The following CDC42SE2 variants were observed in gnomAD, a reference collection of about 807,000 sequenced individuals.
CDC42SE2 encodes the protein CDC42 small effector protein 2.
A neutral mutation model predicts 11.5 loss-of-function variants in CDC42SE2; 3 were observed. The observed-to-expected ratio is 0.26, with a 90% CI of 0.12 to 0.67. CDC42SE2 has a LOEUF of 0.67. CDC42SE2 is among the 30% of genes least tolerant of loss of function. The pLI, the probability that CDC42SE2 is intolerant of heterozygous loss-of-function variation, is 0.80. For synonymous variants in CDC42SE2, 33 were observed against 34.8 expected, an observed-to-expected ratio of 0.95 and a Z score of 0.18; for missense variants, 82 against 106.8, an observed-to-expected ratio of 0.77 and a Z score of 1.02.
intron 1 of CDC42SE2, among the ~76,000 whole-genome samples, chr5:131,276,386 C>T (rs1480721836): frequency 1.3e-5 from 2 of 150,566 alleles, no homozygotes; most frequent in African/African-American, 4.9e-5. Flanking sequence ...AAGGTTGAGG[C>T]TGCAGTGAGC....
chr5:131,245,310 G>A (rs1263718028), upstream of CDC42SE2, among the ~76,000 whole-genome samples: 7 of 152,138 alleles, frequency 4.6e-5, no homozygotes, highest in African/African-American at 1.7e-4. Context: ...AATTGATACT[G>A]TTCTGGGTAC....
chr5:131,358,459 A>G (rs958317591), intron 2 of CDC42SE2, among the ~76,000 whole-genome samples: 33 of 152,260 alleles, frequency 2.2e-4, no homozygotes, highest in African/African-American at 7.9e-4. Flanking sequence ...ATTATTGACT[A>G]AGGACATCCT....
intron 3 of CDC42SE2, among the ~76,000 whole-genome samples, chr5:131,369,245 A>G (rs961195276): frequency 1.3e-5 from 2 of 152,146 alleles, no homozygotes; most frequent in African/African-American, 4.8e-5. Flanking sequence ...ATTGATTCAT[A>G]TTGATGCAGA....
intron 2 of CDC42SE2, among the ~76,000 whole-genome samples, chr5:131,349,768 T>TAGAA (rs201800052): frequency 0.039 from 5,971 of 152,234 alleles, 363 homozygotes; most frequent in African/African-American, 0.13. Flanking sequence ...TAGTGTTAAA[T>TAGAA]AGAGCAGGAG....
upstream of CDC42SE2, among the ~76,000 whole-genome samples, chr5:131,241,125 T>C (rs575012172): frequency 2.8e-4 from 43 of 152,102 alleles, no homozygotes; most frequent in African/African-American, 8.2e-4. Flanking sequence ...ACTACAGGCG[T>C]CCACCACCAC....
intron 1 of CDC42SE2, among the ~76,000 whole-genome samples, chr5:131,275,851 G>GTT (rs1757089497): frequency 6.6e-6 from 1 of 150,472 alleles, no homozygotes; most frequent in Admixed American, 6.6e-5. Flanking sequence ...TGTCCTCTTA[G>GTT]TACTGTACTG....
At chr5:131,244,906 C>T (rs181406031), upstream of CDC42SE2, among the ~76,000 whole-genome samples, 18 of 151,954 alleles carry the variant, frequency 1.2e-4, no homozygotes, top group South Asian at 2.1e-4. Flanking sequence ...AGAATTACTG[C>T]GGGAAAATTA....
intron 1 of CDC42SE2, among the ~76,000 whole-genome samples, chr5:131,248,950 A>G (rs918467048): frequency 6.0e-5 from 9 of 151,194 alleles, no homozygotes; most frequent in African/African-American, 1.7e-4. Flanking sequence ...ATGGAACTTG[A>G]TAAGATTACT....
intron 3 of CDC42SE2, among the ~76,000 whole-genome samples, chr5:131,361,272 AT>A (rs774377840): frequency 2.6e-5 from 4 of 152,182 alleles, no homozygotes; most frequent in African/African-American, 4.8e-5. Flanking sequence ...CAGATTAGGT[AT>A]TTAAATGGCA....
At chr5:131,372,708 G>A (rs1287859028) in intron 3 of CDC42SE2, among the ~76,000 whole-genome samples, 1 of 149,020 alleles carries the variant, frequency 6.7e-6, no homozygotes, top group African/African-American at 2.5e-5. Flanking sequence ...GTGAAACTCT[G>A]TCTCAAAAAA....
upstream of CDC42SE2, among the ~76,000 whole-genome samples, chr5:131,263,116 T>TTTTA (rs1244878016): frequency 7.3e-6 from 1 of 137,424 alleles, no homozygotes; most frequent in Non-Finnish European, 1.6e-5. Context: ...TTTTTTTTTT[T>TTTTA]TGTAGAGACA....
At chr5:131,217,719 CA>C in the CDC42SE2 span, among the ~76,000 whole-genome samples, 1 of 152,160 alleles carries the variant, frequency 6.6e-6, no homozygotes, top group Admixed American at 6.6e-5. Context: ...AAAAATTGAT[CA>C]GTTGAACTAC....
intron 1 of CDC42SE2, among the ~76,000 whole-genome samples, chr5:131,265,332 G>A (rs1333872902): frequency 1.3e-5 from 2 of 152,012 alleles, no homozygotes; most frequent in Admixed American, 1.3e-4. Flanking sequence ...AGAGGGAGTG[G>A]GATTGTATTT....
At chr5:131,346,672 C>A (rs886630690) in intron 2 of CDC42SE2, among the ~76,000 whole-genome samples, 1 of 152,188 alleles carries the variant, frequency 6.6e-6, no homozygotes, top group Non-Finnish European at 1.5e-5. Flanking sequence ...ATCTACAGAA[C>A]TCTCCACCCC....
At chr5:131,302,068 G>A (rs1757694689) in intron 1 of CDC42SE2, among the ~76,000 whole-genome samples, 1 of 152,026 alleles carries the variant, frequency 6.6e-6, no homozygotes. Context: ...ATGCGGTGAC[G>A]AGATCTTGGC....
chr5:131,249,373 A>G (rs531342906), intron 1 of CDC42SE2, among the ~76,000 whole-genome samples: 10 of 152,320 alleles, frequency 6.6e-5, no homozygotes, highest in African/African-American at 1.9e-4. Context: ...AACTATTAAT[A>G]TTTATTATGA....
In CDC42SE2 at chr5:131,298,966, GA is replaced by G. The variant is rs557352798; in HGVS notation, c.-454-17008del. Among the ~76,000 whole-genome samples the G allele has an allele frequency of 2.2e-4, 34 of 152,294 alleles. No individual in the cohort carries two copies. In the East Asian group the frequency reaches 6.0e-3, roughly 27 times the overall value. ...GCCTGAATAGACTTGGGGGATTGGGGAATGATTCCTGAAGGAAATGATAGCC... is the reference window on the plus strand; with the variant it reads ...GCCTGAATAGACTTGGGGGATTGGGGATGATTCCTGAAGGAAATGATAGCC... On this transcript the variant is annotated intron_variant, in intron 1 of 4. Coordinates refer to ENST00000505065, the MANE Select transcript of CDC42SE2 (RefSeq NM_001375635.1).
intron 1 of CDC42SE2, among the ~76,000 whole-genome samples, chr5:131,247,732 C>T (rs541392980): frequency 3.9e-5 from 6 of 152,202 alleles, no homozygotes; most frequent in Admixed American, 1.3e-4. Flanking sequence ...ACCTGGAACT[C>T]CTGGGCTCAA....
At position 131,340,313 on chromosome 5, in the gene CDC42SE2, T is replaced by G. The variant is rs569215507; in HGVS notation, c.-285-18896T>G. ...GATGAAATTTTGAACCGTCATGCTG[T>G]GTCTCATCTGGAACATGTATCATCC... is the stretch of plus-strand genomic sequence containing the variant. On this transcript the variant is annotated intron_variant, in intron 2 of 4. Coordinates refer to ENST00000505065, the MANE Select transcript of CDC42SE2 (RefSeq NM_001375635.1). Among the ~76,000 whole-genome samples, 30 of 152,342 alleles carry G rather than the reference T, an allele frequency of 2.0e-4. No homozygotes were observed. In the South Asian group the frequency reaches 2.9e-3, roughly 15 times the overall value.
Sources: allele counts gnomAD v4.1 joint callset (sites outside exome capture counted in the v4.1 genomes callset), GRCh38; gene constraint gnomAD v4.1.1; transcripts MANE v1.5; gene names NCBI Gene and HGNC (gene_info 2026-07-23, HGNC 2026-07-21).